PACRG: variants seen among roughly 807,000 people sequenced by gnomAD.
PACRG encodes the protein parkin coregulated, also known as parkin coregulated gene protein.
PACRG carries 29 observed loss-of-function variants against 29.7 expected under a neutral mutation model. The ratio of observed to expected loss-of-function variants is 0.98; its 90% confidence interval spans 0.73 to 1.33. PACRG has a LOEUF of 1.33. PACRG is among the 40% of genes most tolerant of loss of function. The pLI is 0.00. For synonymous variants in PACRG, 116 were observed against 118.7 expected, an observed-to-expected ratio of 0.98 and a Z score of 0.15; for missense variants, 279 against 316.2, an observed-to-expected ratio of 0.88 and a Z score of 0.89.
intron 4 of PACRG, among the ~76,000 whole-genome samples, chr6:163,095,776 C>T (rs1814527638): frequency 1.3e-5 from 2 of 152,318 alleles, no homozygotes; most frequent in African/African-American, 2.4e-5. Flanking sequence ...TACTCCAATA[C>T]TCCAATATTA....
At chr6:162,792,879 A>G (rs1785069966) in intron 1 of PACRG, among the ~76,000 whole-genome samples, 1 of 151,978 alleles carries the variant, frequency 6.6e-6, no homozygotes, top group Admixed American at 6.5e-5. Context: ...TTCAGGAGCC[A>G]GAATGCAAAA....
chr6:163,110,258 C>T (rs78366218), intron 4 of PACRG, among the ~76,000 whole-genome samples: 283 of 152,292 alleles, frequency 1.9e-3, no homozygotes, highest in Non-Finnish European at 3.3e-3. Context: ...TGGGGTTATC[C>T]CACCTCTTCT....
At chr6:163,296,813 A>G (rs1381293417) in intron 4 of PACRG, among the ~76,000 whole-genome samples, 1 of 152,208 alleles carries the variant, frequency 6.6e-6, no homozygotes, top group Non-Finnish European at 1.5e-5. Context: ...GATATGAGAA[A>G]AACCACTTTA....
At chr6:162,971,935 C>G (rs1801564116) in intron 2 of PACRG, among the ~76,000 whole-genome samples, 1 of 152,184 alleles carries the variant, frequency 6.6e-6, no homozygotes, top group Non-Finnish European at 1.5e-5. Context: ...TCTTCGTCCA[C>G]TCTGTCACCA....
At chr6:163,112,637 A>G (rs550251103) in intron 4 of PACRG, among the ~76,000 whole-genome samples, 131 of 152,334 alleles carry the variant, frequency 8.6e-4, no homozygotes, top group Middle Eastern at 3.4e-3. Flanking sequence ...AAAGGCAACT[A>G]GAAAGTCACT....
intron 2 of PACRG, among the ~76,000 whole-genome samples, chr6:162,908,928 C>T (rs1340330029): frequency 6.6e-6 from 1 of 152,162 alleles, no homozygotes; most frequent in Admixed American, 6.5e-5. Flanking sequence ...CTGCTCTTCT[C>T]AGGAGCAAGC....
At chr6:162,815,675 ATAAC>A (rs1192541248) in intron 2 of PACRG, among the ~76,000 whole-genome samples, 2 of 152,024 alleles carry the variant, frequency 1.3e-5, no homozygotes, top group Non-Finnish European at 2.9e-5. Flanking sequence ...TATAGCGTGT[ATAAC>A]TAACTTTCAT....
chr6:163,040,252 C>T (rs1036577920), intron 2 of PACRG, among the ~76,000 whole-genome samples: 1 of 152,230 alleles, frequency 6.6e-6, no homozygotes. Context: ...CGCAGGTGCA[C>T]AGAAGACAAG....
intron 4 of PACRG, among the ~76,000 whole-genome samples, chr6:163,148,408 C>CTTTCAGGCTTATAA (rs1777892286): frequency 6.6e-6 from 1 of 152,308 alleles, no homozygotes; most frequent in Non-Finnish European, 1.5e-5. Flanking sequence ...ATCCTGGAGC[C>CTTTCAGGCTTATAA]TGTTATAATG....
chr6:162,806,945 A>G (rs1420699819), intron 1 of PACRG, among the ~76,000 whole-genome samples: 1 of 152,182 alleles, frequency 6.6e-6, no homozygotes, highest in Non-Finnish European at 1.5e-5. Flanking sequence ...AGCCACTTTC[A>G]TCATTTATCT....
chr6:163,164,120 T>C (rs972475471), intron 4 of PACRG, among the ~76,000 whole-genome samples: 1 of 152,088 alleles, frequency 6.6e-6, no homozygotes, highest in African/African-American at 2.4e-5. Flanking sequence ...AAAAATAAGA[T>C]GTAAAATATT....
At chr6:162,966,364 G>A (rs1801019547) in intron 2 of PACRG, among the ~76,000 whole-genome samples, 1 of 152,138 alleles carries the variant, frequency 6.6e-6, no homozygotes, top group Non-Finnish European at 1.5e-5. Flanking sequence ...ATCATCCCCA[G>A]GGGTCTGTTA....
chr6:163,077,253 C>G (rs1436608915), intron 3 of PACRG, among the ~76,000 whole-genome samples: 1 of 152,140 alleles, frequency 6.6e-6, no homozygotes, highest in East Asian at 1.9e-4. Context: ...TCATAAGCAG[C>G]AACATACTTT....
intron 4 of PACRG, among the ~76,000 whole-genome samples, chr6:163,240,507 G>A (rs1782456686): frequency 6.6e-6 from 1 of 151,936 alleles, no homozygotes; most frequent in South Asian, 2.1e-4. Flanking sequence ...GGGTCCAATG[G>A]TCGCCTTGCC....
intron 4 of PACRG, among the ~76,000 whole-genome samples, chr6:163,103,981 G>A (rs1428507624): frequency 6.6e-6 from 1 of 152,142 alleles, no homozygotes. Context: ...GTGTAAATTG[G>A]ATTGCCAGAA....
chr6:162,953,875 G>T (rs1799833025), intron 2 of PACRG, among the ~76,000 whole-genome samples: 2 of 152,072 alleles, frequency 1.3e-5, no homozygotes, highest in African/African-American at 4.8e-5. Context: ...TTGCAAAAAA[G>T]CAGAAATGAA....
intron 4 of PACRG, among the ~76,000 whole-genome samples, chr6:163,308,591 G>C (rs1276733831): frequency 6.6e-6 from 1 of 151,804 alleles, no homozygotes; most frequent in South Asian, 2.1e-4. Context: ...GTTTGAACCT[G>C]GGAGGCAGAG....
intron 4 of PACRG, among the ~76,000 whole-genome samples, chr6:163,277,072 C>T (rs1005942403): frequency 5.3e-5 from 8 of 152,146 alleles, no homozygotes; most frequent in Admixed American, 4.6e-4. Context: ...CTCTACCTCT[C>T]ACTTTATCTT....
In PACRG at chr6:162,751,479, C is replaced by CT. The variant is rs5881495; in HGVS notation, c.156+23098dup. On this transcript the variant is annotated intron_variant, in intron 1 of 4. Coordinates refer to ENST00000366888, the MANE Select transcript of PACRG (RefSeq NM_001080379.2). Reference sequence around the variant, plus strand: ...ATTCATCTAGCAGCAGTTCTGAAATCTTTTTTTTTTGTAAGACATGATAAA... The same window carrying CT: ...ATTCATCTAGCAGCAGTTCTGAAATCTTTTTTTTTTTGTAAGACATGATAAA... Among the ~76,000 whole-genome samples the CT allele has an allele frequency of 3.1e-3, 461 of 148,274 alleles. 1 individual carries two copies. The highest frequency in any genetic ancestry group is 8.7e-3 in the African/African-American group (353 of 40,712).
Sources: gnomAD v4.1 joint callset for allele counts (sites outside exome capture counted in the v4.1 genomes callset) on GRCh38, gnomAD v4.1.1 for gene constraint, MANE v1.5 for transcripts, NCBI Gene and HGNC (gene_info 2026-07-23, HGNC 2026-07-21) for gene names.